Variants in SMOC2 observed in about 807,000 individuals in gnomAD.
The protein encoded by SMOC2 is SPARC-related modular calcium-binding protein 2.
Under a neutral mutation model 61.4 loss-of-function variants are expected in SMOC2, and 39 were observed. The observed-to-expected ratio is 0.64, with a 90% CI of 0.49 to 0.83. SMOC2 has a LOEUF of 0.83. Ranked by LOEUF, SMOC2 falls within the 40% of genes least tolerant of loss-of-function variation. SMOC2 has a pLI of 0.00. For missense variants in SMOC2, 556 were observed against 592.9 expected, an observed-to-expected ratio of 0.94 and a Z score of 0.65; for synonymous variants, 247 against 239.9, an observed-to-expected ratio of 1.03 and a Z score of -0.27.
chr6:168,482,180 A>C (rs1416975163), intron 1 of SMOC2, among the ~76,000 whole-genome samples: 1 of 151,992 alleles, frequency 6.6e-6, no homozygotes, highest in Middle Eastern at 3.2e-3. Context: ...GTTTCAAATT[A>C]CTAAAATAGA....
At chr6:168,598,635 G>A (rs1385957664) in intron 7 of SMOC2, among the ~76,000 whole-genome samples, 183 bp from the exon 8 acceptor site, 9 of 152,150 alleles carry the variant, frequency 5.9e-5, no homozygotes, top group African/African-American at 7.2e-5. Context: ...GCGAGGCTGC[G>A]GGAACTGGAG....
intron 3 of SMOC2, among the ~76,000 whole-genome samples, chr6:168,527,231 T>G (rs1583081874): frequency 6.6e-6 from 1 of 152,016 alleles, no homozygotes; most frequent in East Asian, 1.9e-4. Context: ...GAGCGGGCGG[T>G]GCAGGCTGCA....
At chr6:168,577,520 C>A (rs1784833294) in intron 7 of SMOC2, among the ~76,000 whole-genome samples, 1 of 152,148 alleles carries the variant, frequency 6.6e-6, no homozygotes, top group Admixed American at 6.5e-5. Context: ...TGGAAAATAG[C>A]GGAATCTCTC....
chr6:168,569,342 G>T (rs1042596025), intron 7 of SMOC2, among the ~76,000 whole-genome samples: 2 of 151,954 alleles, frequency 1.3e-5, no homozygotes, highest in African/African-American at 4.8e-5. Flanking sequence ...ATAGGGTGTC[G>T]GTTCAGATAT....
intron 7 of SMOC2, 83 bp downstream of exon 7, chr6:168,549,286 T>C: frequency 7.7e-7 from 1 of 1,300,272 alleles, no homozygotes; most frequent in Non-Finnish European, 1.1e-6. Flanking sequence ...GAGTTAAGTG[T>C]ATTGTACAGT....
intron 9 of SMOC2, among the ~76,000 whole-genome samples, chr6:168,628,881 C>T (rs549590106): frequency 6.6e-6 from 1 of 152,354 alleles, no homozygotes; most frequent in South Asian, 2.1e-4. Flanking sequence ...TCTCGGAACA[C>T]ACAGTTTCCG....
At chr6:168,664,170 A>G (rs775416659) in intron 12 of SMOC2, 59 bp downstream of exon 12, 1 of 1,367,732 alleles carries the variant, frequency 7.3e-7, no homozygotes, top group South Asian at 1.2e-5. Flanking sequence ...AACAATAAAA[A>G]TTCAGAGTTA....
intron 7 of SMOC2, among the ~76,000 whole-genome samples, chr6:168,586,432 G>A (rs117645433): frequency 6.6e-6 from 1 of 152,290 alleles, no homozygotes; most frequent in Non-Finnish European, 1.5e-5. Flanking sequence ...TAGTCCCCCA[G>A]TGTGGCTCTT....
At position 168,485,248 on chromosome 6, in the gene SMOC2, G is replaced by T. The variant is rs1189302896; in HGVS notation, c.85-24667G>T. Among the ~76,000 whole-genome samples the T allele has an allele frequency of 2.0e-5, 3 of 152,204 alleles. No individual in the cohort carries two copies. The East Asian group carries it at 5.8e-4, about 29-fold the overall frequency. The stretch of plus-strand genomic sequence containing the variant: ...ATAGTTTGGAGAGAAATGTAAAATT[G>T]TTCAAGTGCTTTGGAAAACAGTTTT... On this transcript the variant is annotated intron_variant, in intron 1 of 12. Coordinates refer to ENST00000356284, the MANE Select transcript of SMOC2 (RefSeq NM_001166412.2).
intron 7 of SMOC2, among the ~76,000 whole-genome samples, chr6:168,549,573 G>A (rs1039928478): frequency 2.0e-5 from 3 of 152,254 alleles, no homozygotes; most frequent in Admixed American, 1.3e-4. Flanking sequence ...TCTCCTCATC[G>A]TCTTCACGTT....
At chr6:168,552,418 C>T (rs1260160730) in intron 7 of SMOC2, among the ~76,000 whole-genome samples, 1 of 145,090 alleles carries the variant, frequency 6.9e-6, no homozygotes, top group Admixed American at 6.9e-5. Context: ...CTTGTCAGTA[C>T]CTTTTCCTGT....
At chr6:168,580,249 T>C (rs1345758382) in intron 7 of SMOC2, among the ~76,000 whole-genome samples, 2 of 152,346 alleles carry the variant, frequency 1.3e-5, no homozygotes, top group Non-Finnish European at 2.9e-5. Flanking sequence ...TTACTTTCTC[T>C]CCAAAGGAAC....
chr6:168,613,711 C>A (rs1197575735), intron 9 of SMOC2, among the ~76,000 whole-genome samples: 1 of 140,596 alleles, frequency 7.1e-6, no homozygotes, highest in Non-Finnish European at 1.5e-5. Context: ...ACAGCCAGCA[C>A]AGGGCCTCTT....
chr6:168,603,696 T>C (rs1785613868), intron 8 of SMOC2, among the ~76,000 whole-genome samples: 1 of 136,956 alleles, frequency 7.3e-6, no homozygotes. Flanking sequence ...TGGTATAATG[T>C]CAAATGCTCT....
chr6:168,518,430 C>A (rs971429862), intron 2 of SMOC2, among the ~76,000 whole-genome samples: 4 of 146,204 alleles, frequency 2.7e-5, no homozygotes, highest in Admixed American at 1.4e-4. Flanking sequence ...CATGAGTGTG[C>A]ATGTGTGACT....
In SMOC2 at chr6:168,666,449, C is replaced by T. The variant is rs781243001; in HGVS notation, c.*11C>T. The stretch of plus-strand genomic sequence containing the variant: ...AGGAAACAAGGATAAATGGCTCATA[C>T]CCCGAAGGCAGTTCCTAGACACATG... On this transcript the variant is annotated 3_prime_UTR_variant, in exon 13 of 13. Coordinates refer to ENST00000356284, the MANE Select transcript of SMOC2 (RefSeq NM_001166412.2). The T allele has an allele frequency of 1.2e-6, 2 of 1,613,668 alleles. No homozygotes were observed. Among genetic ancestry groups the T allele is most frequent in the African/African-American group, 1.3e-5 (1 of 74,878 alleles).
chr6:168,592,317 C>T (rs902558668), intron 7 of SMOC2, among the ~76,000 whole-genome samples: 7 of 147,616 alleles, frequency 4.7e-5, no homozygotes, highest in African/African-American at 1.7e-4. Context: ...TGAGGCCTCA[C>T]GGGCGTCTTT....
At chr6:168,598,528 C>T (rs573918955) in intron 7 of SMOC2, among the ~76,000 whole-genome samples, 44 of 152,302 alleles carry the variant, frequency 2.9e-4, no homozygotes, top group African/African-American at 8.2e-4. Context: ...CTCTCCCAGG[C>T]GACTGCCCAT....
chr6:168,650,221 C>T (rs1562404427), intron 9 of SMOC2, among the ~76,000 whole-genome samples: 1 of 152,162 alleles, frequency 6.6e-6, no homozygotes, highest in Non-Finnish European at 1.5e-5. Context: ...GCTGTTTGCC[C>T]TACTGCCTCC....
Sources: gnomAD v4.1 joint callset for allele counts (sites outside exome capture counted in the v4.1 genomes callset) on GRCh38, gnomAD v4.1.1 for gene constraint, MANE v1.5 for transcripts, NCBI Gene and HGNC (gene_info 2026-07-23, HGNC 2026-07-21) for gene names.